The following CCDC47 variants were observed in gnomAD, a reference collection of about 807,000 sequenced individuals.
CCDC47 encodes the protein PAT complex subunit CCDC47.
In CCDC47, 41 loss-of-function variants were observed where a neutral mutation model predicts 60.5. The ratio of observed to expected loss-of-function variants is 0.68; its 90% CI spans 0.53 to 0.88. CCDC47 has a LOEUF of 0.88. Among genes scored for constraint, CCDC47 ranks in the 40% least tolerant of loss-of-function variants. CCDC47 has a pLI of 0.00. For missense variants in CCDC47, 513 were observed against 580.9 expected (o/e 0.88, Z 1.20); for synonymous variants, 195 against 190.7 (o/e 1.02, Z -0.18).
rs540232600 is a variant in CCDC47 at position 63,747,567 on chromosome 17, C to T, written c.1372-606G>A. On this transcript the variant is annotated intron_variant, in intron 12 of 12. Transcript: ENST00000225726. ...AGTAAGAAGGTTCAGGTTATTATTA[C>T]GTGGACTGATAGAAGCCTTAGAGGT... is the stretch of plus-strand genomic sequence containing the variant. 1.9e-5 allele frequency: 19 copies of T among 984,676 alleles called. No individual in the cohort carries two copies. The East Asian group carries it at 4.5e-4, about 24-fold the overall frequency. The allele number at this position is 984,676 out of a possible 1,614,324, so 61.0% of individuals were successfully genotyped here.
Position 63,753,291 on chromosome 17 carries a change from C to A in CCDC47, c.1035-492G>T, listed in dbSNP as rs975964133. On this transcript the variant is annotated intron_variant, in intron 9 of 12. Transcript: ENST00000225726. ...CTGTCATTGAAGATTCCTTTGTAAT[C>A]TCTGCCTATATGAATCCTTTGACTA... 12 of 783,446 alleles carry A rather than the reference C, an allele frequency of 1.5e-5. No individual in the cohort carries two copies. In the African/African-American group the frequency reaches 2.1e-4, roughly 13 times the overall value. The allele number at this position is 783,446 out of a possible 1,614,324, so 48.5% of individuals were successfully genotyped here.
At chr17:63,751,567 A>G (rs1370598916) in intron 12 of CCDC47, among the ~76,000 whole-genome samples, 2 of 152,138 alleles carry the variant, frequency 1.3e-5, no homozygotes, top group Non-Finnish European at 2.9e-5. Flanking sequence ...CTCTAATTCT[A>G]TAATCAGATT....
At position 63,767,846 on chromosome 17, in the gene CCDC47, C is replaced by T. The variant is rs190029309; in HGVS notation, c.-19-1652G>A. On this transcript the variant is annotated intron_variant, in intron 1 of 12. Transcript: ENST00000225726. ...AATTTCTCTATTCGTATATTAATATCAATCACATTTTTCCAGTCTTGCTTG... is the reference window on the plus strand; with the variant it reads ...AATTTCTCTATTCGTATATTAATATTAATCACATTTTTCCAGTCTTGCTTG... Among the ~76,000 whole-genome samples, 1,266 of 152,270 alleles carry T rather than the reference C, an allele frequency of 8.3e-3. 13 individuals are homozygous for T. The highest frequency in any genetic ancestry group is 0.014 in the Non-Finnish European group (947 of 68,020).
rs34509265 is a variant in CCDC47 at position 63,772,250 on chromosome 17, G to GTTT, written c.-20+1159_-20+1161dup. 1.5e-3 allele frequency among the ~76,000 whole-genome samples: 140 copies of GTTT among 90,510 alleles called. 3 individuals carry two copies. Among genetic ancestry groups the GTTT allele is most frequent in the South Asian group, 2.1e-3 (5 of 2,356 alleles). 59.4% of individuals were successfully genotyped at this position (90,510 alleles called of 152,430 possible). ...GTATTACGGGAGATATGTACCAAGGGTTTTTTTTTTTTTTTTTTTTTGAGA... is the reference window on the plus strand; with the variant it reads ...GTATTACGGGAGATATGTACCAAGGGTTTTTTTTTTTTTTTTTTTTTTTTGAGA... On this transcript the variant is annotated intron_variant, in intron 1 of 12. Transcript: ENST00000225726.
chr17:63,753,829 G>A lies in CCDC47; in HGVS notation c.1034+604C>T, dbSNP rs148180772. On this transcript the variant is annotated intron_variant, in intron 9 of 12. Coordinates refer to ENST00000225726, the MANE Select transcript of CCDC47 (RefSeq NM_020198.3). ...CATAAAAAAAAAGAACCTATGGACT[G>A]GGGCATGGTGGCTCACGCTTATAAT... 5.6e-4 allele frequency among the ~76,000 whole-genome samples: 86 copies of A among 152,236 alleles called. No homozygotes were observed. In the East Asian group the frequency reaches 0.014, roughly 26 times the overall value.
At chr17:63,755,371 G>C in intron 8 of CCDC47, 1 of 914,490 alleles carries the variant, frequency 1.1e-6, no homozygotes, top group Non-Finnish European at 1.3e-6. Flanking sequence ...TGTAATCCAA[G>C]CGCTTTGGGA....
intron 9 of CCDC47, chr17:63,753,150 G>T: frequency 2.0e-6 from 1 of 489,176 alleles, no homozygotes. Flanking sequence ...GCATTTTTAT[G>T]TTTTATTTCC....
intron 10 of CCDC47, 67 bp from the exon 11 acceptor site, chr17:63,752,496 C>T (rs1290048042): frequency 1.6e-5 from 14 of 890,060 alleles, no homozygotes; most frequent in East Asian, 3.0e-5. Flanking sequence ...TCACCCAACT[C>T]TTTTTTTTTT....
At chr17:63,755,987 C>CA (rs1262440781) in intron 8 of CCDC47, among the ~76,000 whole-genome samples, 12 of 146,124 alleles carry the variant, frequency 8.2e-5, no homozygotes, top group Admixed American at 2.7e-4. Flanking sequence ...ATTCCTTTTT[C>CA]AAAAAAAAAC....
intron 1 of CCDC47, chr17:63,772,842 G>A (rs2144505605): frequency 6.6e-6 from 1 of 152,328 alleles, no homozygotes; most frequent in Admixed American, 6.5e-5. Context: ...GTCCTTGCCA[G>A]ACCACCCAGC....
intron 6 of CCDC47, among the ~76,000 whole-genome samples, chr17:63,759,407 T>C (rs1035117760): frequency 6.9e-6 from 1 of 144,638 alleles, no homozygotes; most frequent in African/African-American, 2.5e-5. Context: ...GAAAATCGCT[T>C]GAACCCTGGA....
intron 2 of CCDC47, among the ~76,000 whole-genome samples, chr17:63,765,395 C>G (rs972922850): frequency 9.2e-5 from 14 of 151,920 alleles, no homozygotes; most frequent in African/African-American, 3.4e-4. Context: ...GGCTGAAGTG[C>G]AGTGGCTCAA....
chr17:63,753,683 T>TA, intron 9 of CCDC47: 1 of 962,920 alleles, frequency 1.0e-6, no homozygotes, highest in Non-Finnish European at 1.2e-6. Context: ...TGTGGGCTTC[T>TA]ATGCTAGGAA....
chr17:63,762,117 A>G, intron 4 of CCDC47: 1 of 984,652 alleles, frequency 1.0e-6, no homozygotes. Flanking sequence ...GGTCTTACTA[A>G]TGGTATTAAG....
intron 12 of CCDC47, 76 bp from the exon 13 acceptor site, chr17:63,747,037 TA>T (rs1021590518): frequency 1.7e-4 from 269 of 1,538,198 alleles, no homozygotes; most frequent in South Asian, 3.4e-4. Flanking sequence ...AAACATATGT[TA>T]AAAAAAAATC....
At chr17:63,751,323 G>A (rs1315906970) in intron 12 of CCDC47, among the ~76,000 whole-genome samples, 14 of 115,940 alleles carry the variant, frequency 1.2e-4, no homozygotes, top group African/African-American at 2.0e-4. Context: ...CCAATATTGC[G>A]CCATTGCACT....
At chr17:63,757,772 C>T (rs2039218705) in intron 6 of CCDC47, among the ~76,000 whole-genome samples, 2 of 152,134 alleles carry the variant, frequency 1.3e-5, no homozygotes, top group African/African-American at 4.8e-5. Context: ...GCTCCTAAAG[C>T]CCTTTGAATT....
At chr17:63,767,312 T>A (rs1440708681) in intron 1 of CCDC47, among the ~76,000 whole-genome samples, 2 of 152,228 alleles carry the variant, frequency 1.3e-5, no homozygotes, top group Non-Finnish European at 2.9e-5. Flanking sequence ...TGTATCATCA[T>A]TTTATAGCTT....
chr17:63,748,588 A>T (rs761605354), intron 12 of CCDC47, among the ~76,000 whole-genome samples: 5 of 152,086 alleles, frequency 3.3e-5, no homozygotes, highest in Non-Finnish European at 5.9e-5. Context: ...TTTTCCCAGC[A>T]CTATCTATCC....
Sources: allele counts gnomAD v4.1 joint callset (sites outside exome capture counted in the v4.1 genomes callset), GRCh38; gene constraint gnomAD v4.1.1; transcripts MANE v1.5; gene names NCBI Gene and HGNC (gene_info 2026-07-23, HGNC 2026-07-21).